SLC8A1: variants seen among roughly 807,000 people sequenced by gnomAD.
SLC8A1 encodes the protein solute carrier family 8 member A1.
A neutral mutation model predicts 68.3 loss-of-function variants in SLC8A1; 18 were observed. The ratio of observed to expected loss-of-function variants is 0.26; its 90% confidence interval spans 0.18 to 0.39. The LOEUF (loss-of-function observed/expected upper bound fraction) is 0.39. SLC8A1 is among the 10% of genes least tolerant of loss of function. SLC8A1 has a pLI of 1.00. For missense variants in SLC8A1, 985 were observed against 1,156.7 expected (o/e 0.85, Z 2.15); for synonymous variants, 475 against 415.5 (o/e 1.14, Z -1.74).
chr2:40,405,256 G>A (rs892805257), intron 2 of SLC8A1, among the ~76,000 whole-genome samples: 1 of 152,152 alleles, frequency 6.6e-6, no homozygotes, highest in Non-Finnish European at 1.5e-5. Context: ...AGATGCTAGG[G>A]CAAGAATAGT....
chr2:40,164,988 T>C lies in SLC8A1; in HGVS notation c.1931-4A>G, dbSNP rs774842022. ...GGCTGCTTGTCATCATATTCGTCTG[T>C]GAAACGGAAGTATCAGAGAGTGAGC... On this transcript the variant is annotated splice_region_variant and splice_polypyrimidine_tract_variant and intron_variant, in intron 4 of 7. Coordinates refer to ENST00000406785, the Ensembl canonical transcript of SLC8A1. The C allele has an allele frequency of 6.2e-6, 10 of 1,613,768 alleles. No individual in the cohort carries two copies. The East Asian group carries it at 2.2e-4, about 36-fold the overall frequency.
intron 2 of SLC8A1, among the ~76,000 whole-genome samples, chr2:40,234,572 C>T (rs1168214289): frequency 2.0e-5 from 3 of 152,072 alleles, no homozygotes; most frequent in Non-Finnish European, 4.4e-5. Flanking sequence ...TCCTCTTTTC[C>T]TAATTGAATA....
At chr2:40,230,571 C>T (rs940233624) in intron 2 of SLC8A1, among the ~76,000 whole-genome samples, 3 of 152,074 alleles carry the variant, frequency 2.0e-5, no homozygotes, top group Non-Finnish European at 2.9e-5. Flanking sequence ...ACATGATAGG[C>T]GTGTGCAAAT....
chr2:40,300,502 A>C (rs1006421977), intron 2 of SLC8A1, among the ~76,000 whole-genome samples: 2 of 152,232 alleles, frequency 1.3e-5, no homozygotes, highest in African/African-American at 2.4e-5. Flanking sequence ...CCACAAAAAC[A>C]AAGTATTGTT....
chr2:40,190,347 G>T (rs968035343), intron 2 of SLC8A1, among the ~76,000 whole-genome samples: 4 of 152,112 alleles, frequency 2.6e-5, no homozygotes, highest in Non-Finnish European at 5.9e-5. Context: ...CTGAGACTCA[G>T]TGAAATTAAC....
chr2:40,435,787 G>A (rs1228804852), intron 1 of SLC8A1, among the ~76,000 whole-genome samples: 3 of 151,784 alleles, frequency 2.0e-5, no homozygotes, highest in African/African-American at 7.3e-5. Flanking sequence ...TTTTGTTTTT[G>A]TTTTTGAGAC....
Position 40,321,663 on chromosome 2 carries a change from G to C in SLC8A1, c.1808+106810C>G, listed in dbSNP as rs936119343. ...TAAAGGAGAAGTGCCGAGTAAAAGC[G>C]GGAAAAGCCCCTTATAAAACCATCA... On this transcript the variant is annotated intron_variant, in intron 2 of 7. Transcript: ENST00000406785. 5.3e-5 allele frequency among the ~76,000 whole-genome samples: 8 copies of C among 152,122 alleles called. No homozygotes were observed. The East Asian group carries it at 9.7e-4, about 18-fold the overall frequency.
intron 1 of SLC8A1, among the ~76,000 whole-genome samples, chr2:40,512,049 C>A (rs1236386283): frequency 6.6e-6 from 1 of 152,112 alleles, no homozygotes; most frequent in Non-Finnish European, 1.5e-5. Context: ...AAGGTGCTGG[C>A]AATATCGAGG....
rs148731712 is a variant in SLC8A1, at chr2:40,308,590, C to T, written c.1808+119883G>A. 1.4e-3 allele frequency among the ~76,000 whole-genome samples: 207 copies of T among 152,082 alleles called. 1 individual carries two copies. The highest frequency in any genetic ancestry group is 0.014 in the Middle Eastern group (4 of 294). On this transcript the variant is annotated intron_variant, in intron 2 of 7. Transcript: ENST00000406785. ...AGCTACCAAGACTTCTGGGAATCAC[C>T]ACCAATATCATAGTGCTATACTTTA...
intron 1 of SLC8A1, among the ~76,000 whole-genome samples, 175 bp from the exon 2 acceptor site, chr2:40,430,479 T>G (rs1280750586): frequency 6.6e-6 from 1 of 152,180 alleles, no homozygotes; most frequent in Non-Finnish European, 1.5e-5. Flanking sequence ...GGTGAATGAT[T>G]GTTCTAAGAC....
At chr2:40,294,759 T>A (rs1400359214) in intron 2 of SLC8A1, among the ~76,000 whole-genome samples, 1 of 152,196 alleles carries the variant, frequency 6.6e-6, no homozygotes, top group Non-Finnish European at 1.5e-5. Flanking sequence ...TAAAGTTAAA[T>A]GCAATTTCAC....
intron 2 of SLC8A1, among the ~76,000 whole-genome samples, chr2:40,417,862 T>G (rs1385862621): frequency 3.0e-5 from 3 of 101,366 alleles, no homozygotes; most frequent in African/African-American, 1.7e-4. Flanking sequence ...ACTGATAGCT[T>G]GGATGGATAC....
At chr2:40,339,834 T>C (rs1326752624) in intron 2 of SLC8A1, among the ~76,000 whole-genome samples, 1 of 152,222 alleles carries the variant, frequency 6.6e-6, no homozygotes, top group African/African-American at 2.4e-5. Context: ...ACTATAAAAA[T>C]CATGAACATA....
At chr2:40,441,851 G>A (rs570485459) in intron 1 of SLC8A1, among the ~76,000 whole-genome samples, 12 of 151,994 alleles carry the variant, frequency 7.9e-5, no homozygotes, top group South Asian at 4.2e-4. Flanking sequence ...CAGGGCATGG[G>A]TATGGGCAAA....
At chr2:40,170,299 T>C in intron 4 of SLC8A1, 4 of 1,613,982 alleles carry the variant, frequency 2.5e-6, no homozygotes, top group Non-Finnish European at 2.5e-6. Context: ...GTGATTACAG[T>C]AGAGAGAATC....
intron 2 of SLC8A1, among the ~76,000 whole-genome samples, chr2:40,407,877 T>G (rs1036947048): frequency 6.6e-6 from 1 of 152,220 alleles, no homozygotes; most frequent in African/African-American, 2.4e-5. Flanking sequence ...GCCAGCCTCC[T>G]GTTCAGTCTC....
At chr2:40,160,408 CT>C (rs2045461023) in intron 6 of SLC8A1, among the ~76,000 whole-genome samples, 1 of 152,116 alleles carries the variant, frequency 6.6e-6, no homozygotes, top group African/African-American at 2.4e-5. Flanking sequence ...GATTTTGCTG[CT>C]TTTTTTCTTG....
exon 8 of SLC8A1, chr2:40,097,758 G>A (rs979780452): frequency 2.0e-5 from 3 of 151,984 alleles, no homozygotes; most frequent in African/African-American, 7.2e-5. Flanking sequence ...AAAATGCACA[G>A]TGATCATAAA....
chr2:40,222,055 T>C (rs2058402101), intron 2 of SLC8A1, among the ~76,000 whole-genome samples: 1 of 152,150 alleles, frequency 6.6e-6, no homozygotes. Flanking sequence ...AGAGCCTGTG[T>C]AGCCAAGACA....
Sources: gnomAD v4.1 joint callset for allele counts (sites outside exome capture counted in the v4.1 genomes callset) on GRCh38, gnomAD v4.1.1 for gene constraint, MANE v1.5 for transcripts, NCBI Gene and HGNC (gene_info 2026-07-23, HGNC 2026-07-21) for gene names.